Variants in ARHGAP32 observed in about 807,000 individuals in gnomAD.
ARHGAP32 encodes rho GTPase-activating protein 32.
Under a neutral mutation model 186.5 loss-of-function variants are expected in ARHGAP32, and 51 were observed. That is an observed-to-expected ratio of 0.27 (90% confidence interval 0.22 to 0.35). The LOEUF (loss-of-function observed/expected upper bound fraction) is 0.35, where lower values mean the gene tolerates loss of function less well. Among genes scored for constraint, ARHGAP32 ranks in the 10% least tolerant of loss-of-function variants. ARHGAP32 has a pLI of 1.00. For missense variants in ARHGAP32, 2,186 were observed against 2,623.5 expected (o/e 0.83, Z 3.64); for synonymous variants, 950 against 964.3 (o/e 0.99, Z 0.27).
intron 1 of ARHGAP32, among the ~76,000 whole-genome samples, chr11:129,180,244 A>C (rs928471164): frequency 3.9e-5 from 6 of 152,186 alleles, no homozygotes; most frequent in African/African-American, 1.4e-4. Context: ...TGTGCAACAG[A>C]AGTCAGACAT....
At chr11:129,257,791 C>T (rs1945273549) in intron 1 of ARHGAP32, among the ~76,000 whole-genome samples, 1 of 150,870 alleles carries the variant, frequency 6.6e-6, no homozygotes, top group South Asian at 2.1e-4. Context: ...ACAATGAAAT[C>T]TCAGTCTACC....
intron 11 of ARHGAP32, among the ~76,000 whole-genome samples, chr11:129,033,053 A>G (rs149518225): frequency 2.0e-4 from 30 of 152,354 alleles, no homozygotes; most frequent in African/African-American, 6.5e-4. Flanking sequence ...GTAAGTGTGT[A>G]TATCAGGACA....
At chr11:129,274,018 C>CA (rs34977774) in intron 1 of ARHGAP32, among the ~76,000 whole-genome samples, 14 of 142,360 alleles carry the variant, frequency 9.8e-5, no homozygotes, top group South Asian at 6.8e-4. Context: ...TAGCCGGAAG[C>CA]AAAAAAAAAA....
At chr11:129,010,280 G>C (rs561379578) in intron 11 of ARHGAP32, among the ~76,000 whole-genome samples, 1 of 152,224 alleles carries the variant, frequency 6.6e-6, no homozygotes, top group African/African-American at 2.4e-5. Context: ...TTGCTGTGCT[G>C]AATCTCTTTA....
intron 1 of ARHGAP32, among the ~76,000 whole-genome samples, chr11:129,233,651 T>A: frequency 6.7e-6 from 1 of 149,790 alleles, no homozygotes; most frequent in Non-Finnish European, 1.5e-5. Context: ...ACAATCTAAA[T>A]GTTTTGGGGA....
At chr11:129,156,729 A>C (rs1369608714) in intron 2 of ARHGAP32, among the ~76,000 whole-genome samples, 15 of 152,208 alleles carry the variant, frequency 9.9e-5, no homozygotes. Flanking sequence ...GAGCTCTGCT[A>C]AGGGACAGAC....
In ARHGAP32 at chr11:129,203,475, G is replaced by C. The variant is rs983638475; in HGVS notation, c.-4-39048C>G. Among the ~76,000 whole-genome samples the C allele has an allele frequency of 5.7e-4, 86 of 152,166 alleles. 1 individual carries two copies. Among genetic ancestry groups the C allele is most frequent in the Non-Finnish European group, 2.1e-4 (14 of 67,990 alleles). On this transcript the variant is annotated intron_variant, in intron 1 of 6. Coordinates refer to the ARHGAP32 transcript ENST00000525234. The stretch of plus-strand genomic sequence containing the variant: ...TAAAAAAGTATCTCTATCTGAAAAG[G>C]AATCTATAGGACTGAAAGAAGAAAA...
chr11:128,980,742 A>T lies in ARHGAP32; in HGVS notation c.1787T>A (p.Leu596Gln). ...SMAMQEGAAS[L>Q]SRPKSLLVSS... is the part of the protein sequence containing the mutation. The stretch of plus-strand genomic sequence containing the variant: ...TACCAGGAGGGACTTGGGCCTTGAT[A>T]GAGAAGCTTCAAAAAGAAAAGGAAG... The change falls in exon 18 of 23, where the codon CTA becomes CAA. Residue 596 changes from leucine (L) to glutamine (Q), a missense_variant. Physicochemically the swap from Leu to Gln is moderately radical, Grantham distance 113. Transcript: ENST00000682385. The T allele has an allele frequency of 6.2e-7, 1 of 1,600,278 alleles. No individual in the cohort carries two copies. Among genetic ancestry groups the T allele is most frequent in the Non-Finnish European group, 8.5e-7 (1 of 1,175,534 alleles).
chr11:129,228,807 C>T (rs1033629705), intron 1 of ARHGAP32, among the ~76,000 whole-genome samples: 3 of 152,090 alleles, frequency 2.0e-5, no homozygotes, highest in South Asian at 2.1e-4. Context: ...CCATGGCATA[C>T]GTTTACCTAC....
At chr11:129,187,565 G>A (rs1944187625) in intron 1 of ARHGAP32, among the ~76,000 whole-genome samples, 1 of 151,328 alleles carries the variant, frequency 6.6e-6, no homozygotes, top group Admixed American at 6.6e-5. Context: ...ATGCTTGAGG[G>A]GATGGATATC....
intron 1 of ARHGAP32, among the ~76,000 whole-genome samples, chr11:129,229,248 C>A (rs1359454961): frequency 1.3e-5 from 2 of 152,128 alleles, no homozygotes; most frequent in African/African-American, 4.8e-5. Context: ...ACTAACCTCA[C>A]ATACTTATAA....
chr11:129,031,396 G>A (rs1303266305), intron 11 of ARHGAP32, among the ~76,000 whole-genome samples: 2 of 152,138 alleles, frequency 1.3e-5, no homozygotes, highest in East Asian at 1.9e-4. Flanking sequence ...TGTATACCCA[G>A]ACAATAAAAT....
chr11:129,033,042 T>C (rs958184438), intron 11 of ARHGAP32, among the ~76,000 whole-genome samples: 3 of 152,206 alleles, frequency 2.0e-5, no homozygotes, highest in Non-Finnish European at 4.4e-5. Context: ...AACTTTACAG[T>C]GTAAGTGTGT....
intron 1 of ARHGAP32, among the ~76,000 whole-genome samples, chr11:129,209,533 C>A (rs1944554119): frequency 6.6e-6 from 1 of 152,006 alleles, no homozygotes; most frequent in East Asian, 1.9e-4. Context: ...ACCTTTACTG[C>A]ACATGCCTTG....
intron 1 of ARHGAP32, among the ~76,000 whole-genome samples, chr11:129,207,387 C>G (rs560937712): frequency 6.6e-6 from 1 of 152,284 alleles, no homozygotes; most frequent in Admixed American, 6.5e-5. Flanking sequence ...TCTCCACATC[C>G]TCTCCAGCAT....
intron 1 of ARHGAP32, among the ~76,000 whole-genome samples, chr11:129,236,215 C>T (rs1008159427): frequency 1.3e-5 from 2 of 152,144 alleles, no homozygotes; most frequent in African/African-American, 2.4e-5. Context: ...CTTTTCACTG[C>T]ATCCACGTCA....
At chr11:129,199,356 C>T (rs1183093394) in intron 1 of ARHGAP32, among the ~76,000 whole-genome samples, 1 of 152,238 alleles carries the variant, frequency 6.6e-6, no homozygotes, top group Non-Finnish European at 1.5e-5. Context: ...GGCAGTCCTT[C>T]CCATCACAGG....
chr11:129,271,737 AG>A lies in ARHGAP32; in HGVS notation c.-5+7408del, dbSNP rs1409087821. ...AACTGGCAAAAGCATATAGAAAATG[AG>A]AATGAACAACTAAGAGGTCAAAACT... On this transcript the variant is annotated intron_variant, in intron 1 of 6. Transcript: ENST00000525234. Among the ~76,000 whole-genome samples the A allele has an allele frequency of 2.6e-5, 4 of 152,214 alleles. No homozygotes were observed. In the East Asian group the frequency reaches 7.7e-4, roughly 29 times the overall value.
At position 128,966,127 on chromosome 11, in the gene ARHGAP32, T is replaced by G. The variant is rs193012438; in HGVS notation, c.*2780A>C. Reference sequence around the variant, plus strand: ...AGCCAGACGTCCAGGGAATATTTATTTCAATCAGACCAAACTGTGGAATCA... The same window carrying G: ...AGCCAGACGTCCAGGGAATATTTATGTCAATCAGACCAAACTGTGGAATCA... On this transcript the variant is annotated 3_prime_UTR_variant, in exon 23 of 23. Coordinates refer to ENST00000682385, the MANE Select transcript of ARHGAP32 (RefSeq NM_001378024.1). 1.3e-5 allele frequency: 2 copies of G among 152,340 alleles called. No homozygotes were observed. Among genetic ancestry groups the G allele is most frequent in the East Asian group, 3.9e-4 (2 of 5,186 alleles). The allele number at this position is 152,340 out of a possible 1,614,324, so 9.4% of individuals were successfully genotyped here. A position where few individuals can be genotyped will look rare whatever the true frequency, so the allele number is the denominator to read the frequency against.
Sources: allele counts gnomAD v4.1 joint callset (sites outside exome capture counted in the v4.1 genomes callset), GRCh38; gene constraint gnomAD v4.1.1; transcripts MANE v1.5; gene names NCBI Gene and HGNC (gene_info 2026-07-23, HGNC 2026-07-21).